PPARGC1B: variants seen among roughly 807,000 people sequenced by gnomAD.
PPARGC1B encodes the protein PPARG coactivator 1 beta.
PPARGC1B carries 34 observed loss-of-function variants against 101.6 expected under a neutral mutation model. The ratio of observed to expected loss-of-function variants is 0.33; its 90% CI spans 0.25 to 0.45. The LOEUF (loss-of-function observed/expected upper bound fraction) is 0.45. PPARGC1B is among the 20% of genes least tolerant of loss of function. The pLI is 1.00. For missense variants in PPARGC1B, 1,234 were observed against 1,317.6 expected, an observed-to-expected ratio of 0.94 and a Z score of 0.98; for synonymous variants, 548 against 539.3, an observed-to-expected ratio of 1.02 and a Z score of -0.22.
At chr5:149,758,879 C>T (rs1187035277) in intron 1 of PPARGC1B, among the ~76,000 whole-genome samples, 1 of 152,158 alleles carries the variant, frequency 6.6e-6, no homozygotes, top group South Asian at 2.1e-4. Context: ...TTCATACATT[C>T]CCAATAACGG....
At chr5:149,820,735 G>A in intron 2 of PPARGC1B, 129 bp downstream of exon 2, 1 of 929,608 alleles carries the variant, frequency 1.1e-6, no homozygotes, top group Non-Finnish European at 1.6e-6. Context: ...CACCAAAGCT[G>A]TTGGGCCCCG....
chr5:149,828,650 A>C (rs1480902236), intron 3 of PPARGC1B, among the ~76,000 whole-genome samples: 4 of 152,180 alleles, frequency 2.6e-5, no homozygotes. Context: ...GATTACCTTC[A>C]TTCCCTACAT....
At position 149,836,330 on chromosome 5, in the gene PPARGC1B, G is replaced by A; in HGVS notation, c.1875G>A (p.Lys625=). 2 of 1,613,766 alleles carry A rather than the reference G, an allele frequency of 1.2e-6. No homozygotes were observed. The highest frequency in any genetic ancestry group is 1.7e-6 in the Non-Finnish European group (2 of 1,179,870). Residue 625 remains lysine, a synonymous_variant, in exon 8 of 12, where the codon AAG becomes AAA. Coordinates refer to ENST00000309241, the MANE Select transcript of PPARGC1B (RefSeq NM_133263.4). Reference sequence around the variant, plus strand: ...AGGATCCCTTCAAACCAGACATCAAGCATAGTCTAGGCAAAGAAATAGCTC... The same window carrying A: ...AGGATCCCTTCAAACCAGACATCAAACATAGTCTAGGCAAAGAAATAGCTC... The part of the protein sequence containing the change: ...TEEDPFKPDI[K]HSLGKEIALS...
intron 1 of PPARGC1B, among the ~76,000 whole-genome samples, chr5:149,819,595 C>G (rs901431604): frequency 1.3e-5 from 2 of 152,144 alleles, no homozygotes; most frequent in African/African-American, 4.8e-5. Context: ...GTCCGCCTCC[C>G]GGGCTCAAGT....
chr5:149,731,282 G>T (rs1754454967), intron 1 of PPARGC1B, among the ~76,000 whole-genome samples: 1 of 152,226 alleles, frequency 6.6e-6, no homozygotes, highest in Non-Finnish European at 1.5e-5. Context: ...GACTGGGAGA[G>T]GGGTGCTGCT....
intron 3 of PPARGC1B, 74 bp from the exon 4 acceptor site, chr5:149,830,693 G>A: frequency 9.1e-7 from 1 of 1,098,934 alleles, no homozygotes; most frequent in South Asian, 1.3e-5. Flanking sequence ...TCAGTCCTGA[G>A]GGGCTGGCCA....
At chr5:149,774,446 C>T (rs1756274772) in intron 1 of PPARGC1B, among the ~76,000 whole-genome samples, 1 of 152,148 alleles carries the variant, frequency 6.6e-6, no homozygotes. Context: ...GGGCATATAG[C>T]AGCGGATCAG....
chr5:149,762,777 G>C (rs1275971895), intron 1 of PPARGC1B, among the ~76,000 whole-genome samples: 1 of 151,992 alleles, frequency 6.6e-6, no homozygotes, highest in Non-Finnish European at 1.5e-5. Flanking sequence ...CCCTCATGGC[G>C]CCAAGGTTCT....
At position 149,833,199 on chromosome 5, in the gene PPARGC1B, A is replaced by G. The variant is rs752986872; in HGVS notation, c.1126A>G (p.Arg376Gly). The change falls in exon 5 of 12, where the codon AGG (arginine) becomes GGG (glycine). Residue 376 changes from arginine to glycine, a missense_variant. Around this residue, in one of 3 missense-constraint regions of PPARGC1B, gnomAD observed 734 missense variants for 768.4 expected, o/e 0.96. Coordinates refer to ENST00000309241, the MANE Select transcript of PPARGC1B (RefSeq NM_133263.4). The surrounding 1 kb of genome is among the most constrained non-coding windows in gnomAD (Gnocchi z 4.1). ...CTCCCTCACACCTCGGTCAAGGCCC[A>G]GGCCCCCCAAAGACAGTCAGGCCTC... ...YASLTPRSRPRPPKDSQASPG... is the reference protein window; with the variant it reads ...YASLTPRSRPGPPKDSQASPG... 3 of 1,613,256 alleles carry G rather than the reference A, an allele frequency of 1.9e-6. No individual in the cohort carries two copies. Among genetic ancestry groups the G allele is most frequent in the African/African-American group, 1.3e-5 (1 of 74,924 alleles).
intron 1 of PPARGC1B, among the ~76,000 whole-genome samples, chr5:149,754,285 C>G (rs1162655221): frequency 6.6e-6 from 1 of 151,828 alleles, no homozygotes; most frequent in Non-Finnish European, 1.5e-5. Flanking sequence ...TTCCTATTCC[C>G]TCACGTGGCC....
chr5:149,736,540 T>C (rs1295915496), intron 1 of PPARGC1B, among the ~76,000 whole-genome samples: 4 of 152,188 alleles, frequency 2.6e-5, no homozygotes, highest in Non-Finnish European at 4.4e-5. Context: ...GCAGAATCGA[T>C]TGGATTGATC....
At chr5:149,790,230 CA>C (rs1366789655) in intron 1 of PPARGC1B, among the ~76,000 whole-genome samples, 23 of 152,118 alleles carry the variant, frequency 1.5e-4, no homozygotes, top group Admixed American at 1.5e-3. Flanking sequence ...TCAAAAGGAC[CA>C]GAATGATAGG....
At chr5:149,775,398 C>T (rs1024581210) in intron 1 of PPARGC1B, among the ~76,000 whole-genome samples, 3 of 152,134 alleles carry the variant, frequency 2.0e-5, no homozygotes, top group African/African-American at 7.2e-5. Context: ...GATTCTTGCC[C>T]TGCCTGCCGC....
intron 9 of PPARGC1B, 93 bp downstream of exon 9, chr5:149,840,209 G>C (rs1395347144): frequency 1.7e-6 from 2 of 1,208,126 alleles, no homozygotes; most frequent in Non-Finnish European, 2.3e-6. Context: ...GAGGCTGGCT[G>C]GTGAGCCCCT....
chr5:149,805,482 C>T (rs1056965541), intron 1 of PPARGC1B, among the ~76,000 whole-genome samples: 11 of 152,202 alleles, frequency 7.2e-5, no homozygotes, highest in African/African-American at 7.2e-5. Flanking sequence ...CTGTGTCCCC[C>T]AGGCTGGAGT....
At chr5:149,783,116 G>C (rs979718330) in intron 1 of PPARGC1B, among the ~76,000 whole-genome samples, 1 of 130,744 alleles carries the variant, frequency 7.6e-6, no homozygotes, top group Non-Finnish European at 1.6e-5. Context: ...AGAGATTGTT[G>C]GCCCACTCAG....
intron 1 of PPARGC1B, among the ~76,000 whole-genome samples, chr5:149,790,814 G>C (rs1016511076): frequency 1.3e-5 from 2 of 152,070 alleles, no homozygotes; most frequent in Admixed American, 6.5e-5. Flanking sequence ...CAGGAATCTG[G>C]ACAGTGGACA....
At chr5:149,795,796 G>T (rs1361115660) in intron 1 of PPARGC1B, among the ~76,000 whole-genome samples, 1 of 150,012 alleles carries the variant, frequency 6.7e-6, no homozygotes, top group East Asian at 2.0e-4. Flanking sequence ...GGCAGGGGGG[G>T]ATGATTATCT....
intron 1 of PPARGC1B, among the ~76,000 whole-genome samples, chr5:149,742,877 GCAT>G (rs1204247672): frequency 1.3e-5 from 2 of 152,140 alleles, no homozygotes; most frequent in Non-Finnish European, 2.9e-5. Context: ...GTAACAGGAG[GCAT>G]CTTTGGTGTG....
Sources: allele counts gnomAD v4.1 joint callset (sites outside exome capture counted in the v4.1 genomes callset), GRCh38; gene constraint gnomAD v4.1.1; regional missense constraint gnomAD v4.1.1; non-coding constraint Gnocchi (gnomAD v3.1); transcripts MANE v1.5; gene names NCBI Gene and HGNC (gene_info 2026-07-23, HGNC 2026-07-21).